TFEC: variants seen among roughly 807,000 people sequenced by gnomAD.
TFEC encodes the protein class E basic helix-loop-helix protein 34.
In TFEC, 31 loss-of-function variants were observed where a neutral mutation model predicts 41.6. That is an observed-to-expected ratio of 0.74 (90% confidence interval 0.56 to 1.01). TFEC has a LOEUF of 1.01. Ranked by LOEUF, TFEC falls within the 50% of genes least tolerant of loss-of-function variation. The pLI is 0.00. For missense variants in TFEC, 402 were observed against 404.1 expected (o/e 0.99, Z 0.04); for synonymous variants, 143 against 140.6 (o/e 1.02, Z -0.12).
chr7:115,986,486 CA>C (rs2130688627), intron 1 of TFEC, among the ~76,000 whole-genome samples: 1 of 151,862 alleles, frequency 6.6e-6, no homozygotes, highest in Admixed American at 6.6e-5. Flanking sequence ...CAATGCAAAG[CA>C]AAAGCTCCAT....
intron 1 of TFEC, among the ~76,000 whole-genome samples, chr7:116,022,110 T>A (rs1795419965): frequency 6.6e-6 from 1 of 152,018 alleles, no homozygotes; most frequent in Non-Finnish European, 1.5e-5. Context: ...TGGTTAGAGG[T>A]CTGAGACATG....
chr7:116,127,859 C>T (rs113587108), intron 1 of TFEC, among the ~76,000 whole-genome samples: 2,124 of 152,178 alleles, frequency 0.014, 44 homozygotes, highest in African/African-American at 0.049. Context: ...TTCTAGCCCA[C>T]ACACCCACAC....
At chr7:116,133,993 C>T (rs777219003) in intron 1 of TFEC, among the ~76,000 whole-genome samples, 18 of 152,130 alleles carry the variant, frequency 1.2e-4, no homozygotes, top group Admixed American at 1.1e-3. Flanking sequence ...ACAGAAAAAG[C>T]TGGCAAACCA....
chr7:116,050,670 G>T (rs1323504151), intron 3 of TFEC, among the ~76,000 whole-genome samples: 2 of 149,500 alleles, frequency 1.3e-5, no homozygotes, highest in East Asian at 4.0e-4. Flanking sequence ...AGGATGTAGA[G>T]AAATAGGAAC....
At chr7:116,089,339 A>G (rs1045405173) in intron 3 of TFEC, among the ~76,000 whole-genome samples, 1 of 152,176 alleles carries the variant, frequency 6.6e-6, no homozygotes, top group Non-Finnish European at 1.5e-5. Flanking sequence ...TAGCCAATGA[A>G]AGATTTTTAG....
At chr7:116,115,475 G>A (rs1320765801) in intron 1 of TFEC, among the ~76,000 whole-genome samples, 1 of 151,784 alleles carries the variant, frequency 6.6e-6, no homozygotes, top group East Asian at 1.9e-4. Context: ...TCTTTGGCTT[G>A]TGGCCCCTTC....
intron 6 of TFEC, among the ~76,000 whole-genome samples, chr7:115,949,623 G>T (rs1181194011): frequency 1.3e-5 from 2 of 151,942 alleles, no homozygotes; most frequent in Admixed American, 1.3e-4. Context: ...TTAATAAATG[G>T]TGCTGGGAAA....
At position 115,937,194 on chromosome 7, in the gene TFEC, T is replaced by G. The variant is rs1448728975; in HGVS notation, c.*3357A>C. On this transcript the variant is annotated 3_prime_UTR_variant, in exon 8 of 8. Transcript: ENST00000265440. ...GAAAAACAATAAAATTATTGTATCTTACTTTAAAGGAAGTTTTATTATAAT... is the reference window on the plus strand; with the variant it reads ...GAAAAACAATAAAATTATTGTATCTGACTTTAAAGGAAGTTTTATTATAAT... The G allele has an allele frequency of 1.3e-5, 2 of 151,694 alleles. No individual in the cohort carries two copies. The highest frequency in any genetic ancestry group is 3.0e-5 in the Non-Finnish European group (2 of 67,696). 9.4% of individuals were successfully genotyped at this position (151,694 alleles called of 1,614,324 possible).
intron 3 of TFEC, among the ~76,000 whole-genome samples, chr7:116,036,754 T>C (rs1348262310): frequency 1.3e-5 from 2 of 151,944 alleles, no homozygotes; most frequent in Non-Finnish European, 2.9e-5. Context: ...AATTAATCCA[T>C]AATAAAAAAA....
chr7:116,060,371 C>T (rs1287974961), intron 3 of TFEC, among the ~76,000 whole-genome samples: 2 of 152,100 alleles, frequency 1.3e-5, no homozygotes, highest in African/African-American at 4.8e-5. Context: ...GATATATACC[C>T]AGATGAATAT....
At chr7:115,947,233 T>G (rs1449019389) in intron 6 of TFEC, among the ~76,000 whole-genome samples, 1 of 151,570 alleles carries the variant, frequency 6.6e-6, no homozygotes, top group African/African-American at 2.4e-5. Flanking sequence ...ATCCATGTCC[T>G]ACAAAGGATG....
At chr7:116,146,911 T>C (rs938161043) in intron 1 of TFEC, among the ~76,000 whole-genome samples, 2 of 152,200 alleles carry the variant, frequency 1.3e-5, no homozygotes, top group African/African-American at 2.4e-5. Context: ...CCAGACATAT[T>C]TGAAAAAGAA....
At chr7:115,968,453 T>C (rs1562898662) in intron 3 of TFEC, 1 of 553,202 alleles carries the variant, frequency 1.8e-6, no homozygotes, top group Non-Finnish European at 2.9e-6. Flanking sequence ...ATTCCTCGTC[T>C]CTGGAATGAT....
chr7:116,076,392 A>T (rs1278813008), intron 3 of TFEC, among the ~76,000 whole-genome samples: 2 of 152,144 alleles, frequency 1.3e-5, no homozygotes, highest in Non-Finnish European at 2.9e-5. Flanking sequence ...AGATCACACC[A>T]GCTCACCAGC....
chr7:116,151,938 A>T (rs976996198), intron 1 of TFEC, among the ~76,000 whole-genome samples: 24 of 152,166 alleles, frequency 1.6e-4, no homozygotes, highest in Non-Finnish European at 1.3e-4. Flanking sequence ...TTTCTTCCCA[A>T]TACAGGAAGT....
At chr7:116,111,896 T>C in intron 2 of TFEC, 6 of 533,358 alleles carry the variant, frequency 1.1e-5, no homozygotes, top group Non-Finnish European at 1.4e-5. Context: ...TTATAAGATA[T>C]CATACCACAC....
intron 6 of TFEC, among the ~76,000 whole-genome samples, chr7:115,944,363 T>A (rs949740025): frequency 1.3e-5 from 2 of 151,538 alleles, no homozygotes; most frequent in East Asian, 3.9e-4. Flanking sequence ...TCACTCTTTC[T>A]CTTTGATTGT....
At chr7:116,020,263 T>C (rs1158660595) in intron 1 of TFEC, among the ~76,000 whole-genome samples, 5 of 152,210 alleles carry the variant, frequency 3.3e-5, no homozygotes, top group Admixed American at 2.0e-4. Flanking sequence ...ACATTTTTTT[T>C]CTAAATGAGA....
intron 6 of TFEC, among the ~76,000 whole-genome samples, chr7:115,949,241 G>C (rs1190736854): frequency 6.6e-6 from 1 of 152,134 alleles, no homozygotes; most frequent in Middle Eastern, 3.4e-3. Context: ...TCATGGGTAG[G>C]AAGAATCAAT....
Sources: allele counts gnomAD v4.1 joint callset (sites outside exome capture counted in the v4.1 genomes callset), GRCh38; gene constraint gnomAD v4.1.1; transcripts MANE v1.5; gene names NCBI Gene and HGNC (gene_info 2026-07-23, HGNC 2026-07-21).